Variants in CCDC91 observed in about 807,000 individuals in gnomAD.
CCDC91 encodes the protein coiled-coil domain-containing protein 91.
A neutral mutation model predicts 63.2 loss-of-function variants in CCDC91; 48 were observed. The observed-to-expected ratio is 0.76, with a 90% CI of 0.60 to 0.97. CCDC91 has a LOEUF of 0.97. CCDC91 is among the 50% of genes least tolerant of loss of function. CCDC91 has a pLI of 0.00. For missense variants in CCDC91, 500 were observed against 494.6 expected, an observed-to-expected ratio of 1.01 and a Z score of -0.10; for synonymous variants, 167 against 165.8, an observed-to-expected ratio of 1.01 and a Z score of -0.06.
At chr12:28,399,731 A>T (rs1454011611) in intron 8 of CCDC91, among the ~76,000 whole-genome samples, 1 of 152,226 alleles carries the variant, frequency 6.6e-6, no homozygotes, top group Non-Finnish European at 1.5e-5. Context: ...TACAGGCCCC[A>T]TGCAAGCCAG....
Position 28,273,653 on chromosome 12 carries a change from T to C in CCDC91, c.109+14211T>C, listed in dbSNP as rs560336509. ...TAAATGTCTTCTTTTGAGAAGTGTCTGTTCATATCCTTCGCCCACTTTTTG... is the reference window on the plus strand; with the variant it reads ...TAAATGTCTTCTTTTGAGAAGTGTCCGTTCATATCCTTCGCCCACTTTTTG... On this transcript the variant is annotated intron_variant, in intron 3 of 12. Coordinates refer to ENST00000536442, the MANE Select transcript of CCDC91 (RefSeq NM_018318.5). 5.3e-4 allele frequency among the ~76,000 whole-genome samples: 80 copies of C among 152,314 alleles called. 1 individual carries two copies. The South Asian group carries it at 0.012, about 23-fold the overall frequency.
At chr12:28,517,557 T>C (rs1940088347) in intron 12 of CCDC91, among the ~76,000 whole-genome samples, 2 of 152,004 alleles carry the variant, frequency 1.3e-5, no homozygotes, top group Admixed American at 6.6e-5. Context: ...ATGGCACATA[T>C]TCACACAATA....
At chr12:28,363,876 GAAA>G (rs34997286) in intron 7 of CCDC91, among the ~76,000 whole-genome samples, 90 of 52,542 alleles carry the variant, frequency 1.7e-3, no homozygotes, top group Non-Finnish European at 2.5e-3. Flanking sequence ...GGCTCCATCT[GAAA>G]AAAAAAAAAA....
At chr12:28,274,556 C>A (rs1216023025) in intron 3 of CCDC91, among the ~76,000 whole-genome samples, 4 of 152,116 alleles carry the variant, frequency 2.6e-5, no homozygotes, top group Non-Finnish European at 5.9e-5. Flanking sequence ...AGGTCCTTCA[C>A]GTCCCTTGCA....
At chr12:28,237,168 C>G (rs1431894268) in intron 1 of CCDC91, among the ~76,000 whole-genome samples, 1 of 151,264 alleles carries the variant, frequency 6.6e-6, no homozygotes, top group Non-Finnish European at 1.5e-5. Context: ...ATATATCCCT[C>G]ACTAATAGTT....
intron 3 of CCDC91, among the ~76,000 whole-genome samples, chr12:28,270,124 G>T (rs1208444549): frequency 1.4e-5 from 2 of 146,260 alleles, no homozygotes; most frequent in Admixed American, 1.4e-4. Flanking sequence ...TTCTAGATTT[G>T]TTTTTTTTGG....
chr12:28,352,592 G>A (rs933471154), intron 6 of CCDC91, among the ~76,000 whole-genome samples: 1 of 152,176 alleles, frequency 6.6e-6, no homozygotes, highest in Non-Finnish European at 1.5e-5. Flanking sequence ...CGAGTGTTAT[G>A]TAATTGCAGC....
At chr12:28,340,739 C>T (rs917294325) in intron 6 of CCDC91, among the ~76,000 whole-genome samples, 36 of 152,168 alleles carry the variant, frequency 2.4e-4, no homozygotes, top group Admixed American at 1.9e-3. Context: ...TGAATGTTTA[C>T]AGCTCCTGAG....
At chr12:28,366,878 A>G (rs1009871789) in intron 7 of CCDC91, among the ~76,000 whole-genome samples, 5 of 151,946 alleles carry the variant, frequency 3.3e-5, no homozygotes, top group African/African-American at 1.2e-4. Flanking sequence ...TGAACTCCCA[A>G]CCATGTCCAG....
chr12:28,536,555 C>T (rs1320843705), intron 12 of CCDC91, among the ~76,000 whole-genome samples: 1 of 152,110 alleles, frequency 6.6e-6, no homozygotes, highest in Admixed American at 6.5e-5. Context: ...TGGATGTGTA[C>T]ATTTAGACAA....
chr12:28,435,486 T>C (rs539732413), intron 8 of CCDC91, among the ~76,000 whole-genome samples: 1 of 151,980 alleles, frequency 6.6e-6, no homozygotes, highest in East Asian at 1.9e-4. Context: ...TATTCTGTGA[T>C]TTCTATTCTT....
At chr12:28,503,152 T>C (rs1355064693) in intron 12 of CCDC91, among the ~76,000 whole-genome samples, 1 of 151,882 alleles carries the variant, frequency 6.6e-6, no homozygotes, top group Non-Finnish European at 1.5e-5. Context: ...AGGCAACCTA[T>C]AAAATGGGAG....
chr12:28,254,671 A>T (rs1420224570), intron 1 of CCDC91, among the ~76,000 whole-genome samples: 4 of 152,146 alleles, frequency 2.6e-5, no homozygotes, highest in African/African-American at 4.8e-5. Flanking sequence ...TATTGCTTTA[A>T]AAATATTTCT....
chr12:28,307,888 C>A (rs1592265543), intron 6 of CCDC91, 139 bp downstream of exon 6: 1 of 585,028 alleles, frequency 1.7e-6, no homozygotes, highest in Non-Finnish European at 3.0e-6. Context: ...CCAACATGGG[C>A]TAAATTAATG....
intron 3 of CCDC91, among the ~76,000 whole-genome samples, chr12:28,290,707 G>A (rs1373371152): frequency 2.0e-5 from 3 of 152,126 alleles, no homozygotes; most frequent in Non-Finnish European, 4.4e-5. Flanking sequence ...CATTGTAGAT[G>A]TAGGATCATA....
intron 12 of CCDC91, among the ~76,000 whole-genome samples, chr12:28,515,323 G>T (rs1939829181): frequency 6.6e-6 from 1 of 151,694 alleles, no homozygotes; most frequent in Non-Finnish European, 1.5e-5. Flanking sequence ...TCCTATTATT[G>T]GTTTTGTGAA....
intron 6 of CCDC91, among the ~76,000 whole-genome samples, chr12:28,324,570 G>T (rs1431989377): frequency 2.0e-5 from 3 of 151,766 alleles, no homozygotes; most frequent in African/African-American, 7.3e-5. Flanking sequence ...CTTCAAATCC[G>T]ATCATTTTAT....
intron 3 of CCDC91, among the ~76,000 whole-genome samples, chr12:28,288,710 G>A (rs1198745873): frequency 1.3e-5 from 2 of 152,136 alleles, no homozygotes; most frequent in Non-Finnish European, 2.9e-5. Flanking sequence ...ATGAATTAGG[G>A]TGAAGTCCCT....
At chr12:28,456,154 C>T (rs570263159) in intron 11 of CCDC91, among the ~76,000 whole-genome samples, 2 of 152,060 alleles carry the variant, frequency 1.3e-5, no homozygotes, top group East Asian at 3.9e-4. Context: ...ATGTATTGTC[C>T]ATTCTGTAAC....
Sources: gnomAD v4.1 joint callset for allele counts (sites outside exome capture counted in the v4.1 genomes callset) on GRCh38, gnomAD v4.1.1 for gene constraint, MANE v1.5 for transcripts, NCBI Gene and HGNC (gene_info 2026-07-23, HGNC 2026-07-21) for gene names.